LRP2: variants seen among roughly 807,000 people sequenced by gnomAD.
The protein encoded by LRP2 is LDL receptor related protein 2.
A neutral mutation model predicts 531.0 loss-of-function variants in LRP2; 172 were observed. That is an observed-to-expected ratio of 0.32 (90% CI 0.29 to 0.37). LRP2 has a LOEUF of 0.37. LRP2 is among the 10% of genes least tolerant of loss of function. The pLI, the probability that LRP2 is intolerant of heterozygous loss-of-function variation, is 1.00. For missense variants in LRP2, 5,167 were observed against 5,868.3 expected, an observed-to-expected ratio of 0.88 and a Z score of 3.90; for synonymous variants, 1,992 against 2,027.6, an observed-to-expected ratio of 0.98 and a Z score of 0.47.
chr2:169,321,442 T>C (rs1346490217), intron 1 of LRP2, among the ~76,000 whole-genome samples: 1 of 150,992 alleles, frequency 6.6e-6, no homozygotes, highest in East Asian at 1.9e-4. Flanking sequence ...AAATTTTTAC[T>C]GATAACAGAG....
chr2:169,263,843 A>C (rs1690674761), intron 16 of LRP2, among the ~76,000 whole-genome samples: 2 of 151,966 alleles, frequency 1.3e-5, no homozygotes, highest in African/African-American at 2.4e-5. Context: ...CTTGGAACCA[A>C]CCCAAATGTC....
At chr2:169,180,951 T>A (rs928613387) in intron 52 of LRP2, among the ~76,000 whole-genome samples, 1 of 152,234 alleles carries the variant, frequency 6.6e-6, no homozygotes, top group Non-Finnish European at 1.5e-5. Context: ...AAATGCCTTA[T>A]CATATTGGAT....
At chr2:169,262,895 C>G (rs1299910216) in intron 16 of LRP2, among the ~76,000 whole-genome samples, 8 of 152,016 alleles carry the variant, frequency 5.3e-5, no homozygotes, top group South Asian at 2.1e-4. Context: ...TACCAAAACA[C>G]AGATATAGAC....
intron 44 of LRP2, among the ~76,000 whole-genome samples, chr2:169,199,840 TAATAA>T (rs969593883): frequency 1.4e-4 from 22 of 152,166 alleles, no homozygotes; most frequent in Non-Finnish European, 2.5e-4. Flanking sequence ...AATTACTATA[TAATAA>T]AACAACTAAA....
At chr2:169,356,788 C>T (rs1215162627) in intron 1 of LRP2, among the ~76,000 whole-genome samples, 6 of 152,218 alleles carry the variant, frequency 3.9e-5, no homozygotes, top group Admixed American at 1.3e-4. Flanking sequence ...TCCCAGAACT[C>T]GGATGCTGAA....
intron 1 of LRP2, among the ~76,000 whole-genome samples, chr2:169,358,200 T>C (rs979407136): frequency 1.3e-5 from 2 of 152,190 alleles, no homozygotes; most frequent in African/African-American, 4.8e-5. Flanking sequence ...GCTGGGGACA[T>C]TCAGAAGGCA....
intron 3 of LRP2, among the ~76,000 whole-genome samples, chr2:169,309,605 C>G (rs1310259469): frequency 1.3e-5 from 2 of 152,158 alleles, no homozygotes; most frequent in Non-Finnish European, 2.9e-5. Context: ...GTACCAGTAC[C>G]ATGCTGTTTT....
At chr2:169,216,456 G>A in intron 34 of LRP2, 26 bp from the exon 35 acceptor site, 4 of 1,611,030 alleles carry the variant, frequency 2.5e-6, no homozygotes, top group Non-Finnish European at 3.4e-6. Flanking sequence ...ACACCAGCAT[G>A]TAACAAAACA....
At position 169,182,172 on chromosome 2, in the gene LRP2, T is replaced by C. The variant is rs1188846190; in HGVS notation, c.9993A>G (p.Gln3331=). The C allele has an allele frequency of 7.4e-6, 12 of 1,613,958 alleles. No individual in the cohort carries two copies. The highest frequency in any genetic ancestry group is 1.0e-5 in the Non-Finnish European group (12 of 1,179,994). ...DNPRGLALHP[Q]YGYLYWADWG... is the part of the protein sequence containing the mutation. ...GGATTGCAGGGAGACAATACCCATA[T>C]TGAGGGTGAAGGGCAAGTCCTCTGG... The change falls in exon 51 of 79, where the codon CAA becomes CAG. Residue 3331 remains glutamine, a synonymous_variant. Coordinates refer to ENST00000649046, the MANE Select transcript of LRP2 (RefSeq NM_004525.3).
intron 1 of LRP2, among the ~76,000 whole-genome samples, chr2:169,343,575 T>C (rs1356021287): frequency 6.6e-6 from 1 of 152,128 alleles, no homozygotes; most frequent in African/African-American, 2.4e-5. Flanking sequence ...CAGGTACCTA[T>C]AAGGTAGAAA....
At chr2:169,215,545 T>C (rs1472567759) in intron 35 of LRP2, among the ~76,000 whole-genome samples, 1 of 152,016 alleles carries the variant, frequency 6.6e-6, no homozygotes, top group African/African-American at 2.4e-5. Flanking sequence ...GAAGAATGTG[T>C]AGCTACGAGG....
At chr2:169,168,444 T>C in intron 61 of LRP2, 95 bp downstream of exon 61, 3 of 1,482,432 alleles carry the variant, frequency 2.0e-6, no homozygotes, top group Non-Finnish European at 2.8e-6. Flanking sequence ...TAAACAATTG[T>C]ACAACTGCTC....
intron 13 of LRP2, among the ~76,000 whole-genome samples, chr2:169,275,962 T>C (rs1269878268): frequency 6.6e-6 from 1 of 151,176 alleles, no homozygotes; most frequent in Non-Finnish European, 1.5e-5. Context: ...ATGAACAGAG[T>C]GAGGCAGAGG....
intron 14 of LRP2, 68 bp from the exon 15 acceptor site, chr2:169,273,135 C>A (rs544064127): frequency 1.1e-5 from 18 of 1,567,770 alleles, no homozygotes; most frequent in South Asian, 1.1e-4. Flanking sequence ...CATGAAGCCA[C>A]TTCTAGCCCT....
At chr2:169,229,889 A>G (rs1689339535) in intron 31 of LRP2, among the ~76,000 whole-genome samples, 2 of 152,232 alleles carry the variant, frequency 1.3e-5, no homozygotes. Context: ...CAACAATCAA[A>G]TCAAGTAAAA....
At chr2:169,134,696 T>C (rs1685430002) in intron 76 of LRP2, among the ~76,000 whole-genome samples, 1 of 152,208 alleles carries the variant, frequency 6.6e-6, no homozygotes, top group South Asian at 2.1e-4. Flanking sequence ...AGGGACTACA[T>C]GTCAGTATTT....
chr2:169,159,830 T>C (rs2105367017), intron 63 of LRP2, among the ~76,000 whole-genome samples: 1 of 152,260 alleles, frequency 6.6e-6, no homozygotes. Context: ...TCCTCCTAGC[T>C]CTGAAATCTA....
intron 16 of LRP2, among the ~76,000 whole-genome samples, chr2:169,267,613 G>C (rs1316116849): frequency 6.6e-6 from 1 of 152,160 alleles, no homozygotes; most frequent in African/African-American, 2.4e-5. Context: ...GTAGGGTGTA[G>C]AAGGAAATTT....
chr2:169,285,260 C>T (rs923737031), intron 9 of LRP2, among the ~76,000 whole-genome samples: 4 of 151,446 alleles, frequency 2.6e-5, no homozygotes, highest in Non-Finnish European at 5.9e-5. Flanking sequence ...AATGCCACTG[C>T]ACTCCAGCCT....
Sources: gnomAD v4.1 joint callset for allele counts (sites outside exome capture counted in the v4.1 genomes callset) on GRCh38, gnomAD v4.1.1 for gene constraint, MANE v1.5 for transcripts, NCBI Gene and HGNC (gene_info 2026-07-23, HGNC 2026-07-21) for gene names.